Variants in COL5A2 observed in about 807,000 individuals in gnomAD.
COL5A2 encodes the protein collagen alpha-2(V) chain.
Under a neutral mutation model 208.2 loss-of-function variants are expected in COL5A2, and 23 were observed. The observed-to-expected ratio is 0.11, with a 90% CI of 0.08 to 0.16. The LOEUF is 0.16. Among genes scored for constraint, COL5A2 ranks in the 10% least tolerant of loss-of-function variants. The probability of loss-of-function intolerance (pLI) is 1.00; values close to 1 mark genes in which losing one functional copy is unlikely to be tolerated. For missense variants in COL5A2, 1,590 were observed against 1,956.4 expected, an observed-to-expected ratio of 0.81 and a Z score of 3.53; for synonymous variants, 625 against 628.5, an observed-to-expected ratio of 0.99 and a Z score of 0.08.
the COL5A2 span, among the ~76,000 whole-genome samples, chr2:189,257,013 G>C: frequency 6.6e-6 from 1 of 152,162 alleles, no homozygotes; most frequent in African/African-American, 2.4e-5. Flanking sequence ...TTATTTGCAA[G>C]GTTTCCTATT....
At chr2:189,270,856 C>T in the COL5A2 span, among the ~76,000 whole-genome samples, 3 of 152,052 alleles carry the variant, frequency 2.0e-5, no homozygotes, top group Non-Finnish European at 2.9e-5. Context: ...TTCCTATACA[C>T]CAATAATCGA....
chr2:189,218,368 A>G lies in COL5A2; in HGVS notation c.-42+6780T>C, dbSNP rs79978386. Among the ~76,000 whole-genome samples, 620 of 152,260 alleles carry G rather than the reference A, an allele frequency of 4.1e-3. 38 individuals carry two copies. The East Asian group carries it at 0.093, about 23-fold the overall frequency. Reference sequence around the variant, plus strand: ...GTGAACACAGAGAGGAGAAGACCATATGACAACACAGCACAGATTAGAGGG... The same window carrying G: ...GTGAACACAGAGAGGAGAAGACCATGTGACAACACAGCACAGATTAGAGGG... On this transcript the variant is annotated intron_variant, in intron 1 of 10. Coordinates refer to the COL5A2 transcript ENST00000649966.
chr2:189,285,258 T>C, the COL5A2 span, among the ~76,000 whole-genome samples: 1 of 152,050 alleles, frequency 6.6e-6, no homozygotes, highest in Non-Finnish European at 1.5e-5. Context: ...GTTGGCACTG[T>C]TCCCCTAATG....
Position 189,065,091 on chromosome 2 carries a change from G to A in COL5A2, c.1564-34C>T, listed in dbSNP as rs1315175871. The A allele has an allele frequency of 6.9e-6, 11 of 1,605,038 alleles. No individual in the cohort carries two copies. The South Asian group carries it at 1.1e-4, about 16-fold the overall frequency. On this transcript the variant is annotated intron_variant, in intron 23 of 53. Transcript: ENST00000374866. ...GACCAAAATGTGATTCTTAATTGTTGTTGATATTTTTGCAATATGTAATGA... is the reference window on the plus strand; with the variant it reads ...GACCAAAATGTGATTCTTAATTGTTATTGATATTTTTGCAATATGTAATGA...
chr2:189,361,182 A>G, the COL5A2 span, among the ~76,000 whole-genome samples: 1 of 152,064 alleles, frequency 6.6e-6, no homozygotes, highest in South Asian at 2.1e-4. Flanking sequence ...CCTCTGGACA[A>G]TCTGTCCATT....
Position 189,104,253 on chromosome 2 carries a change from G to T in COL5A2, c.336+11C>A. The T allele has an allele frequency of 6.7e-7, 1 of 1,499,946 alleles. No individual in the cohort carries two copies. The highest frequency in any genetic ancestry group is 9.3e-7 in the Non-Finnish European group (1 of 1,078,494). The allele number at this position is 1,499,946 out of a possible 1,614,324, so 92.9% of individuals were successfully genotyped here. A position where few individuals can be genotyped will look rare whatever the true frequency, so the allele number is the denominator to read the frequency against. ...GCTTATGAAAAAGAAAATATGCAAA[G>T]TAACACTTACCTTTCTTCCTCTACC... On this transcript the variant is annotated intron_variant, in intron 3 of 53. Coordinates refer to ENST00000374866, the MANE Select transcript of COL5A2 (RefSeq NM_000393.5).
the COL5A2 span, among the ~76,000 whole-genome samples, chr2:189,312,450 C>T: frequency 3.3e-5 from 5 of 152,162 alleles, no homozygotes; most frequent in Non-Finnish European, 5.9e-5. Context: ...GGCTGCACTG[C>T]TGACCGGCCG....
At chr2:189,211,346 T>A (rs1466206298) in intron 1 of COL5A2, among the ~76,000 whole-genome samples, 1 of 152,202 alleles carries the variant, frequency 6.6e-6, no homozygotes, top group Non-Finnish European at 1.5e-5. Flanking sequence ...TAGGTGGGTC[T>A]CTCCAAATAT....
the COL5A2 span, among the ~76,000 whole-genome samples, chr2:189,257,438 A>G: frequency 6.6e-6 from 1 of 152,214 alleles, no homozygotes; most frequent in African/African-American, 2.4e-5. Flanking sequence ...TTTAAGATAT[A>G]TCTCAATATA....
At chr2:189,036,458 T>A (rs1685445321) in intron 52 of COL5A2, among the ~76,000 whole-genome samples, 158 bp downstream of exon 52, 1 of 152,150 alleles carries the variant, frequency 6.6e-6, no homozygotes, top group Non-Finnish European at 1.5e-5. Context: ...GTTTATGCAA[T>A]GGTATTACAA....
chr2:189,275,532 C>T, the COL5A2 span, among the ~76,000 whole-genome samples: 1 of 150,976 alleles, frequency 6.6e-6, no homozygotes, highest in East Asian at 1.9e-4. Flanking sequence ...CAGCTCACTG[C>T]AACCTCCACC....
At chr2:189,425,057 T>G in the COL5A2 span, among the ~76,000 whole-genome samples, 2 of 152,158 alleles carry the variant, frequency 1.3e-5, no homozygotes, top group African/African-American at 2.4e-5. Context: ...AAGGACAGTC[T>G]CTTCAATAAA....
chr2:189,286,576 C>A, the COL5A2 span, among the ~76,000 whole-genome samples: 2 of 151,984 alleles, frequency 1.3e-5, no homozygotes, highest in Non-Finnish European at 2.9e-5. Context: ...ACAGAAAAGG[C>A]CTATCTTAAG....
the COL5A2 span, among the ~76,000 whole-genome samples, chr2:189,435,941 G>T: frequency 6.6e-6 from 1 of 152,102 alleles, no homozygotes; most frequent in Admixed American, 6.6e-5. Flanking sequence ...ATGTCCATCA[G>T]TGATAGACTG....
At chr2:189,348,299 T>G in the COL5A2 span, among the ~76,000 whole-genome samples, 1 of 152,194 alleles carries the variant, frequency 6.6e-6, no homozygotes, top group Non-Finnish European at 1.5e-5. Context: ...CTCATTTATA[T>G]GAACCCACAA....
the COL5A2 span, among the ~76,000 whole-genome samples, chr2:189,234,490 G>T: frequency 2.6e-5 from 4 of 151,802 alleles, no homozygotes; most frequent in African/African-American, 9.6e-5. Context: ...TACATAAGTA[G>T]TATATTTTCC....
chr2:189,125,869 C>A (rs1687598116), intron 1 of COL5A2, among the ~76,000 whole-genome samples: 1 of 151,998 alleles, frequency 6.6e-6, no homozygotes, highest in Admixed American at 6.6e-5. Context: ...CAACATGATT[C>A]TTCCTCATCT....
chr2:189,175,921 G>A (rs1356091694), intron 1 of COL5A2, among the ~76,000 whole-genome samples: 1 of 152,056 alleles, frequency 6.6e-6, no homozygotes, highest in African/African-American at 2.4e-5. Flanking sequence ...AAGTCTGAAT[G>A]TCCTACATGT....
At chr2:189,173,924 G>A (rs889357221) in intron 1 of COL5A2, among the ~76,000 whole-genome samples, 2 of 152,054 alleles carry the variant, frequency 1.3e-5, no homozygotes, top group African/African-American at 4.8e-5. Flanking sequence ...TATCTCTAAT[G>A]TATAAATCTA....
Sources: gnomAD v4.1 joint callset for allele counts (sites outside exome capture counted in the v4.1 genomes callset) on GRCh38, gnomAD v4.1.1 for gene constraint, MANE v1.5 for transcripts, NCBI Gene and HGNC (gene_info 2026-07-23, HGNC 2026-07-21) for gene names.